The following ANKRD55 variants were observed in gnomAD, a reference collection of about 807,000 sequenced individuals.
ANKRD55 encodes ankyrin repeat domain 55, also known as ankyrin repeat domain-containing protein 55.
Under a neutral mutation model 60.6 loss-of-function variants are expected in ANKRD55, and 41 were observed. That is an observed-to-expected ratio of 0.68 (90% CI 0.53 to 0.88). The LOEUF (loss-of-function observed/expected upper bound fraction) is 0.88. Ranked by LOEUF, ANKRD55 falls within the 40% of genes least tolerant of loss-of-function variation. ANKRD55 has a pLI of 0.00. For synonymous variants in ANKRD55, 264 were observed against 290.3 expected, an observed-to-expected ratio of 0.91 and a Z score of 0.92; for missense variants, 732 against 767.6, an observed-to-expected ratio of 0.95 and a Z score of 0.55.
intron 7 of ANKRD55, among the ~76,000 whole-genome samples, chr5:56,128,962 C>T (rs1022341434): frequency 3.9e-5 from 6 of 152,178 alleles, no homozygotes; most frequent in African/African-American, 9.7e-5. Context: ...GTACCAGTGA[C>T]GTGTGCCTCA....
Position 56,123,320 on chromosome 5 carries a change from A to G in ANKRD55, c.797+3602T>C, listed in dbSNP as rs183248920. The stretch of plus-strand genomic sequence containing the variant: ...GGTTGGACATGAGTATTTGGAGAGC[A>G]TATATGTATGTATATTGTGTGGCCC... On this transcript the variant is annotated intron_variant, in intron 8 of 11. Coordinates refer to ENST00000341048, the MANE Select transcript of ANKRD55 (RefSeq NM_024669.3). Among the ~76,000 whole-genome samples the G allele has an allele frequency of 9.2e-5, 14 of 152,244 alleles. No homozygotes were observed. The East Asian group carries it at 2.7e-3, about 29-fold the overall frequency.
intron 2 of ANKRD55, chr5:56,193,487 C>T (rs1581013174): frequency 6.2e-6 from 3 of 485,526 alleles, no homozygotes; most frequent in African/African-American, 4.0e-5. Flanking sequence ...GTTGATTTTA[C>T]AACTGTGTAT....
chr5:56,117,159 G>T (rs915064718), intron 8 of ANKRD55, among the ~76,000 whole-genome samples: 4 of 152,192 alleles, frequency 2.6e-5, no homozygotes, highest in African/African-American at 9.7e-5. Context: ...GTAATACTGA[G>T]TATTGTCACT....
rs1158988654 is a variant in ANKRD55 at position 56,170,817 on chromosome 5, G to A, written c.313-14C>T. The A allele has an allele frequency of 1.2e-6, 2 of 1,609,060 alleles. No homozygotes were observed. Among genetic ancestry groups the A allele is most frequent in the East Asian group, 2.2e-5 (1 of 44,882 alleles). ...TTCAAGCCAGCCCTGAAATACAAGA[G>A]CAACCACATCATTATATAACAGAAG... On this transcript the variant is annotated splice_polypyrimidine_tract_variant and intron_variant, in intron 4 of 11. Coordinates refer to ENST00000341048, the MANE Select transcript of ANKRD55 (RefSeq NM_024669.3).
intron 2 of ANKRD55, among the ~76,000 whole-genome samples, chr5:56,199,101 A>AAACAAACAAACCAACC (rs546782271): frequency 2.0e-5 from 3 of 151,882 alleles, no homozygotes; most frequent in African/African-American, 7.3e-5. Context: ...ACAAACAAAC[A>AAACAAACAAACCAACC]AACCCAAAAA....
intron 2 of ANKRD55, among the ~76,000 whole-genome samples, chr5:56,202,504 C>T (rs1024872316): frequency 6.6e-6 from 1 of 152,068 alleles, no homozygotes; most frequent in African/African-American, 2.4e-5. Flanking sequence ...GGTGTATTTC[C>T]TGAGATGATA....
chr5:56,211,308 A>C (rs776252461), intron 2 of ANKRD55, among the ~76,000 whole-genome samples: 2 of 152,192 alleles, frequency 1.3e-5, no homozygotes, highest in African/African-American at 2.4e-5. Flanking sequence ...CCTGAGTAAC[A>C]GTCTTAATGA....
At chr5:56,214,139 C>T (rs1434309499) in intron 2 of ANKRD55, among the ~76,000 whole-genome samples, 1 of 152,198 alleles carries the variant, frequency 6.6e-6, no homozygotes, top group Admixed American at 6.5e-5. Flanking sequence ...AAACCACCCC[C>T]ATGATTCAAT....
intron 2 of ANKRD55, among the ~76,000 whole-genome samples, chr5:56,226,511 T>C (rs913700493): frequency 1.8e-5 from 2 of 111,196 alleles, no homozygotes; most frequent in Non-Finnish European, 3.2e-5. Context: ...GAGCTTCTTC[T>C]GCACAGCAAA....
chr5:56,184,540 T>C (rs1758925261), intron 2 of ANKRD55, among the ~76,000 whole-genome samples: 1 of 152,174 alleles, frequency 6.6e-6, no homozygotes, highest in Non-Finnish European at 1.5e-5. Context: ...AGGCAACTCC[T>C]TTGAATTTGG....
At chr5:56,201,584 C>T (rs563167077) in intron 2 of ANKRD55, among the ~76,000 whole-genome samples, 10 of 152,208 alleles carry the variant, frequency 6.6e-5, no homozygotes, top group Non-Finnish European at 1.0e-4. Flanking sequence ...AGTTGCTTAA[C>T]ATCTCTATGT....
At chr5:56,148,653 CA>C (rs1164454121) in intron 6 of ANKRD55, among the ~76,000 whole-genome samples, 1 of 118,804 alleles carries the variant, frequency 8.4e-6, no homozygotes, top group African/African-American at 2.8e-5. Context: ...CTTCTCAGAA[CA>C]TTTTTTTTTT....
In ANKRD55 at chr5:56,120,675, G is replaced by A. The variant is rs199610088; in HGVS notation, c.798-3893C>T. Among the ~76,000 whole-genome samples the A allele has an allele frequency of 5.9e-5, 9 of 152,062 alleles. No homozygotes were observed. The East Asian group carries it at 1.4e-3, about 23-fold the overall frequency. On this transcript the variant is annotated intron_variant, in intron 8 of 11. Transcript: ENST00000341048. ...ACCACTTTGGGAGGCCAAGGCAGGC[G>A]GATCACGAGGTCAGGAGATCGAGAC...
chr5:56,173,486 C>T (rs1480141116), intron 4 of ANKRD55, among the ~76,000 whole-genome samples: 6 of 150,896 alleles, frequency 4.0e-5, no homozygotes, highest in Non-Finnish European at 7.4e-5. Flanking sequence ...GCGTGAGCCA[C>T]CATGCCCGGC....
intron 2 of ANKRD55, among the ~76,000 whole-genome samples, chr5:56,214,961 A>G (rs962174758): frequency 3.3e-5 from 5 of 152,212 alleles, no homozygotes; most frequent in Non-Finnish European, 7.3e-5. Flanking sequence ...CACCTCTTAC[A>G]GTTTTTTAAA....
intron 7 of ANKRD55, among the ~76,000 whole-genome samples, chr5:56,128,360 C>A (rs1386098370): frequency 6.6e-6 from 1 of 152,124 alleles, no homozygotes; most frequent in Non-Finnish European, 1.5e-5. Flanking sequence ...GCCTCCCTCG[C>A]CCCTGGGGTG....
chr5:56,151,649 C>CA (rs1220855979), intron 6 of ANKRD55, among the ~76,000 whole-genome samples: 7 of 151,762 alleles, frequency 4.6e-5, no homozygotes, highest in Admixed American at 1.3e-4. Flanking sequence ...CCCATCTCCA[C>CA]AAAAAATACA....
intron 9 of ANKRD55, 33 bp from the exon 10 acceptor site, chr5:56,111,815 T>C (rs1756716233): frequency 6.8e-7 from 1 of 1,462,042 alleles, no homozygotes; most frequent in Non-Finnish European, 9.0e-7. Flanking sequence ...GGATGATATG[T>C]GAGTATGGGA....
intron 2 of ANKRD55, among the ~76,000 whole-genome samples, chr5:56,230,134 T>A (rs1411119642): frequency 1.3e-5 from 2 of 152,160 alleles, no homozygotes; most frequent in African/African-American, 2.4e-5. Flanking sequence ...TCTTGCTCTG[T>A]CGCCAGGTTG....
Sources: allele counts gnomAD v4.1 joint callset (sites outside exome capture counted in the v4.1 genomes callset), GRCh38; gene constraint gnomAD v4.1.1; transcripts MANE v1.5; gene names NCBI Gene and HGNC (gene_info 2026-07-23, HGNC 2026-07-21).